Variants in EYS observed in about 807,000 individuals in gnomAD.
EYS encodes protein eyes shut homolog.
In EYS, 250 loss-of-function variants were observed where a neutral mutation model predicts 282.1. The observed-to-expected ratio is 0.89, with a 90% confidence interval of 0.80 to 0.98. The LOEUF is 0.98. Ranked by LOEUF, EYS falls within the 50% of genes least tolerant of loss-of-function variation. EYS has a pLI of 0.00. For missense variants in EYS, 4,016 were observed against 3,709.0 expected (o/e 1.08, Z -2.15); for synonymous variants, 1,355 against 1,282.9 (o/e 1.06, Z -1.20).
intron 5 of EYS, among the ~76,000 whole-genome samples, chr6:65,463,066 A>G (rs1764875019): frequency 6.6e-6 from 1 of 152,050 alleles, no homozygotes; most frequent in South Asian, 2.1e-4. Flanking sequence ...TCACCACAGC[A>G]GTCAGAATGA....
At chr6:64,659,710 C>G (rs1215944079) in intron 22 of EYS, among the ~76,000 whole-genome samples, 1 of 152,034 alleles carries the variant, frequency 6.6e-6, no homozygotes, top group African/African-American at 2.4e-5. Flanking sequence ...TCTGAATGGA[C>G]CAATAACAGG....
At chr6:64,450,924 A>T (rs192620245) in intron 26 of EYS, among the ~76,000 whole-genome samples, 1 of 152,302 alleles carries the variant, frequency 6.6e-6, no homozygotes, top group East Asian at 1.9e-4. Flanking sequence ...TAAAATTGAG[A>T]CCCTAACATC....
intron 31 of EYS, among the ~76,000 whole-genome samples, chr6:64,095,273 T>TGC (rs1772549678): frequency 6.6e-6 from 1 of 152,258 alleles, no homozygotes; most frequent in East Asian, 1.9e-4. Flanking sequence ...CTTAGGTCCA[T>TGC]TTGGTGCGGA....
intron 37 of EYS, chr6:63,797,069 A>G (rs917880830): frequency 3.9e-5 from 6 of 152,186 alleles, no homozygotes; most frequent in African/African-American, 1.2e-4. Context: ...TAGGGCTTGT[A>G]ATGCCTTTTG....
At chr6:64,916,554 A>G (rs938174930) in intron 15 of EYS, among the ~76,000 whole-genome samples, 3 of 152,214 alleles carry the variant, frequency 2.0e-5, no homozygotes, top group African/African-American at 7.2e-5. Flanking sequence ...CTAGTGTTTG[A>G]TGGGTGGGAA....
intron 1 of EYS, among the ~76,000 whole-genome samples, chr6:65,695,835 A>G (rs9363420): frequency 0.051 from 7,732 of 152,040 alleles, 451 homozygotes; most frequent in East Asian, 0.33. Context: ...CAAAGTAGCA[A>G]TTTGGCTATT....
At chr6:64,436,362 C>T (rs1582750116) in intron 27 of EYS, 97 bp from the exon 28 acceptor site, 7 of 665,170 alleles carry the variant, frequency 1.1e-5, no homozygotes, top group African/African-American at 1.8e-5. Flanking sequence ...ATATATTTTA[C>T]ATCACTTTGG....
At chr6:64,561,541 C>G (rs1765394302) in intron 26 of EYS, among the ~76,000 whole-genome samples, 1 of 151,782 alleles carries the variant, frequency 6.6e-6, no homozygotes, top group Non-Finnish European at 1.5e-5. Flanking sequence ...ACAGACAAAC[C>G]AAGAACCATA....
chr6:63,812,862 C>T (rs1582232812), intron 36 of EYS, among the ~76,000 whole-genome samples: 1 of 152,082 alleles, frequency 6.6e-6, no homozygotes, highest in Non-Finnish European at 1.5e-5. Flanking sequence ...AAAAATGTTA[C>T]TAAGTTTTTG....
chr6:64,831,979 G>A (rs1167687477), intron 19 of EYS, among the ~76,000 whole-genome samples: 1 of 151,922 alleles, frequency 6.6e-6, no homozygotes, highest in African/African-American at 2.4e-5. Flanking sequence ...GTGAGAAGTT[G>A]TTCAAGGTGA....
At chr6:65,584,899 A>G (rs5876973) in intron 2 of EYS, among the ~76,000 whole-genome samples, 1 of 129,182 alleles carries the variant, frequency 7.7e-6, no homozygotes, top group African/African-American at 2.8e-5. Flanking sequence ...TATATATATT[A>G]TATATATATA....
chr6:64,392,994 A>G (rs144671645), intron 28 of EYS, among the ~76,000 whole-genome samples: 4,719 of 152,280 alleles, frequency 0.031, 230 homozygotes, highest in African/African-American at 0.11. Flanking sequence ...AGAATACTAC[A>G]AACACCTCTA....
At chr6:65,393,127 A>G (rs3933055) in intron 7 of EYS, among the ~76,000 whole-genome samples, 30,647 of 150,352 alleles carry the variant, frequency 0.2, 3,277 homozygotes, top group South Asian at 0.35. Context: ...AACAATGAGA[A>G]CACATGGACA....
chr6:64,364,102 G>A (rs1003149334), intron 29 of EYS, among the ~76,000 whole-genome samples: 3 of 151,662 alleles, frequency 2.0e-5, no homozygotes, highest in Non-Finnish European at 4.4e-5. Flanking sequence ...CTTATCCATA[G>A]AAATTTAGTC....
At chr6:63,912,248 A>T (rs1463712529) in intron 35 of EYS, among the ~76,000 whole-genome samples, 1 of 152,062 alleles carries the variant, frequency 6.6e-6, no homozygotes, top group Non-Finnish European at 1.5e-5. Flanking sequence ...TGTTGCTAGG[A>T]TTTTTCACTG....
chr6:64,356,250 G>C (rs1252385145), intron 29 of EYS, among the ~76,000 whole-genome samples: 1 of 151,270 alleles, frequency 6.6e-6, no homozygotes. Flanking sequence ...GTATATTTAT[G>C]GGGTGCATGA....
In EYS at chr6:64,942,850, T is replaced by TA. The variant is rs774132389; in HGVS notation, c.2381+2942_2381+2943insT. 2.6e-4 allele frequency among the ~76,000 whole-genome samples: 28 copies of TA among 109,500 alleles called. 1 individual carries two copies. The highest frequency in any genetic ancestry group is 1.0e-3 in the East Asian group (4 of 4,000). The allele number at this position is 109,500 out of a possible 152,430, so 71.8% of individuals were successfully genotyped here. A position where few individuals can be genotyped will look rare whatever the true frequency, so the allele number is the denominator to read the frequency against. On this transcript the variant is annotated intron_variant, in intron 15 of 42. Coordinates refer to ENST00000503581, the MANE Select transcript of EYS (RefSeq NM_001142800.2). Reference sequence around the variant, plus strand: ...TCCAAAAAAAAAAAAAAAACAAAAATGAAGTCGAAGGAACTCCTCCCTAAT... The same window carrying TA: ...TCCAAAAAAAAAAAAAAAACAAAAATAGAAGTCGAAGGAACTCCTCCCTAAT...
At chr6:65,009,402 C>T (rs1450182769) in intron 13 of EYS, among the ~76,000 whole-genome samples, 1 of 152,156 alleles carries the variant, frequency 6.6e-6, no homozygotes, top group Non-Finnish European at 1.5e-5. Context: ...CCTCTATACC[C>T]AGCTGTACCT....
In EYS at chr6:64,277,709, A is replaced by T. The variant is rs954894099; in HGVS notation, c.6191+29261T>A. 7.2e-5 allele frequency among the ~76,000 whole-genome samples: 11 copies of T among 152,276 alleles called. No individual in the cohort carries two copies. In the South Asian group the frequency reaches 1.9e-3, roughly 26 times the overall value. Reference sequence around the variant, plus strand: ...TGAAGTATCAAATATATCTCAAGGAACTGAAACAACATGCAGATGTAAATA... The same window carrying T: ...TGAAGTATCAAATATATCTCAAGGATCTGAAACAACATGCAGATGTAAATA... On this transcript the variant is annotated intron_variant, in intron 30 of 42. Transcript: ENST00000503581.
Sources: allele counts gnomAD v4.1 joint callset (sites outside exome capture counted in the v4.1 genomes callset), GRCh38; gene constraint gnomAD v4.1.1; transcripts MANE v1.5; gene names NCBI Gene and HGNC (gene_info 2026-07-23, HGNC 2026-07-21).